The following DNAH9 variants were observed in gnomAD, a reference collection of about 807,000 sequenced individuals.
DNAH9 encodes the protein DNAH9 variant protein.
DNAH9 carries 345 observed loss-of-function variants against 471.6 expected under a neutral mutation model. That is an observed-to-expected ratio of 0.73 (90% CI 0.67 to 0.80). The LOEUF is 0.80. Ranked by LOEUF, DNAH9 falls within the 30% of genes least tolerant of loss-of-function variation. DNAH9 has a pLI of 0.00. For synonymous variants in DNAH9, 2,093 were observed against 2,123.6 expected, an observed-to-expected ratio of 0.99 and a Z score of 0.40; for missense variants, 5,407 against 5,609.2, an observed-to-expected ratio of 0.96 and a Z score of 1.15.
intron 27 of DNAH9, chr17:11,723,517 C>T (rs903635489): frequency 6.6e-6 from 1 of 151,994 alleles, no homozygotes; most frequent in African/African-American, 2.4e-5. Context: ...GGGGTTCAGC[C>T]ACAGGCCCTG....
intron 52 of DNAH9, among the ~76,000 whole-genome samples, chr17:11,872,412 C>G (rs1567865014): frequency 7.1e-6 from 1 of 141,100 alleles, no homozygotes; most frequent in Non-Finnish European, 1.5e-5. Flanking sequence ...ATACTGGTTT[C>G]CCATTAAAGG....
intron 32 of DNAH9, among the ~76,000 whole-genome samples, chr17:11,751,221 A>G (rs1332306533): frequency 6.6e-6 from 1 of 151,958 alleles, no homozygotes; most frequent in East Asian, 1.9e-4. Context: ...AGAGTAGAGC[A>G]AAAAACAGAT....
intron 22 of DNAH9, 36 bp downstream of exon 22, chr17:11,694,483 G>A: frequency 6.2e-7 from 1 of 1,611,846 alleles, no homozygotes; most frequent in Non-Finnish European, 8.5e-7. Context: ...AGGTCTAGGA[G>A]GGCTGAGGGG....
At chr17:11,726,060 C>G (rs1567752064) in intron 27 of DNAH9, among the ~76,000 whole-genome samples, 1 of 152,084 alleles carries the variant, frequency 6.6e-6, no homozygotes, top group Non-Finnish European at 1.5e-5. Flanking sequence ...CAAAATGGCT[C>G]TGTCATTTTT....
Position 11,822,015 on chromosome 17 carries a change from G to C in DNAH9, c.8803G>C (p.Glu2935Gln), listed in dbSNP as rs1970325217. 1 of 1,613,992 alleles carries C rather than the reference G, an allele frequency of 6.2e-7. No homozygotes were observed. Among genetic ancestry groups the C allele is most frequent in the Admixed American group, 1.7e-5 (1 of 60,000 alleles). ...VKSQGLVDNR[E>Q]NCWKFFIDRI... ...GAGCCAGGGTCTGGTTGACAACAGA[G>C]AGAACTGTTGGAAGTTCTTTATAGA... The change falls in exon 46 of 69, where the codon GAG (glutamate) becomes CAG (glutamine). Residue 2935 changes from glutamate (E) to glutamine (Q), a missense_variant. This residue lies in a region of DNAH9 where 4,636 missense variants were observed against 4,900.3 expected (regional missense o/e 0.95). Transcript: ENST00000262442.
intron 19 of DNAH9, 74 bp from the exon 20 acceptor site, chr17:11,689,492 G>C: frequency 7.9e-7 from 1 of 1,273,224 alleles, no homozygotes; most frequent in Non-Finnish European, 1.1e-6. Context: ...ATTTCAGCTG[G>C]TTGCTACCTT....
intron 50 of DNAH9, among the ~76,000 whole-genome samples, chr17:11,864,866 A>G (rs1366033074): frequency 5.3e-5 from 8 of 151,106 alleles, no homozygotes; most frequent in Admixed American, 5.3e-4. Flanking sequence ...TTTGTTTTCC[A>G]TTTGCTTGGT....
At chr17:11,797,816 T>C in intron 43 of DNAH9, 23 bp downstream of exon 43, 2 of 1,595,252 alleles carry the variant, frequency 1.3e-6, no homozygotes, top group Non-Finnish European at 1.7e-6. Context: ...CTCCTCTTCC[T>C]TTTCCTCAGT....
chr17:11,818,988 G>A lies in DNAH9; in HGVS notation c.8708-2932G>A, dbSNP rs991690292. On this transcript the variant is annotated intron_variant, in intron 45 of 68. Coordinates refer to ENST00000262442, the MANE Select transcript of DNAH9 (RefSeq NM_001372.4). ...AACTTTTCGTCTGAGCTAGGAGCCC[G>A]CCCCTACTTCCTAATTCAGAATTTT... Among the ~76,000 whole-genome samples the A allele has an allele frequency of 9.9e-5, 15 of 151,462 alleles. No homozygotes were observed. The East Asian group carries it at 1.7e-3, about 18-fold the overall frequency.
chr17:11,667,780 C>T (rs2073898159), intron 15 of DNAH9, among the ~76,000 whole-genome samples: 1 of 152,176 alleles, frequency 6.6e-6, no homozygotes, highest in Non-Finnish European at 1.5e-5. Flanking sequence ...GAAGGATCAC[C>T]TGCAGTCTCA....
chr17:11,874,979 C>T lies in DNAH9; in HGVS notation c.10273C>T (p.Pro3425Ser), dbSNP rs117014280. Residue 3425 changes from proline (P) to serine (S), a missense_variant, in exon 53 of 69, where the codon CCC becomes TCC. Physicochemically the swap from Pro to Ser is moderately conservative, Grantham distance 74 (BLOSUM62 -1). This residue lies in a region of DNAH9 where 4,636 missense variants were observed against 4,900.3 expected (regional missense o/e 0.95). Coordinates refer to ENST00000262442, the MANE Select transcript of DNAH9 (RefSeq NM_001372.4). ...TPIPVTPALD[P>S]LRMLMDDADV... ...CATTCCAGTCACCCCAGCCCTGGAT[C>T]CCCTGAGGATGCTGATGGATGATGC... is the stretch of plus-strand genomic sequence containing the variant. The T allele has an allele frequency of 3.7e-6, 6 of 1,614,102 alleles. No homozygotes were observed. Among genetic ancestry groups the T allele is most frequent in the Admixed American group, 1.7e-5 (1 of 59,996 alleles).
intron 67 of DNAH9, among the ~76,000 whole-genome samples, chr17:11,943,929 A>AG (rs11444320): frequency 0.48 from 72,555 of 151,940 alleles, 17,557 homozygotes; most frequent in Middle Eastern, 0.56. Context: ...TCCATTACTG[A>AG]GTACGCAGGT....
intron 4 of DNAH9, chr17:11,612,059 A>G: frequency 1.7e-6 from 1 of 591,500 alleles, no homozygotes; most frequent in Non-Finnish European, 3.0e-6. Context: ...ACTTCTGCCT[A>G]CTTTTCTAGG....
At chr17:11,954,939 C>CTGTT (rs1487502240) in intron 67 of DNAH9, among the ~76,000 whole-genome samples, 2 of 152,014 alleles carry the variant, frequency 1.3e-5, no homozygotes, top group Non-Finnish European at 2.9e-5. Flanking sequence ...AAATAATAGA[C>CTGTT]TGTTTAAAAC....
chr17:11,942,333 C>T lies in DNAH9; in HGVS notation c.12691C>T (p.Arg4231Trp), dbSNP rs373580958. ...VKALLEEILE[R>W]VTDEFNIPEL... ...GGCACTTCTGGAAGAAATATTGGAG[C>T]GGGTGACAGACGAGTTTAACATCCC... Residue 4231 changes from arginine (R) to tryptophan (W), a missense_variant, in exon 67 of 69, where the codon CGG (arginine) becomes TGG (tryptophan). Arg to Trp is a moderately radical substitution (Grantham distance 101). This residue lies in a region of DNAH9 where 4,636 missense variants were observed against 4,900.3 expected (regional missense o/e 0.95). Transcript: ENST00000262442. 48 of 1,613,868 alleles carry T rather than the reference C, an allele frequency of 3.0e-5. No homozygotes were observed. The Middle Eastern group carries it at 8.2e-4, about 28-fold the overall frequency.
chr17:11,799,083 A>C (rs906083359), intron 43 of DNAH9, among the ~76,000 whole-genome samples: 1 of 152,074 alleles, frequency 6.6e-6, no homozygotes, highest in African/African-American at 2.4e-5. Context: ...CATCTAGCTA[A>C]TAATCCTTTC....
intron 17 of DNAH9, among the ~76,000 whole-genome samples, chr17:11,676,421 T>C (rs1301799228): frequency 6.6e-6 from 1 of 151,938 alleles, no homozygotes; most frequent in Non-Finnish European, 1.5e-5. Context: ...TAGCTGGGAT[T>C]ACAGGCATGC....
chr17:11,909,983 G>T (rs377436804), intron 61 of DNAH9, among the ~76,000 whole-genome samples: 1 of 152,084 alleles, frequency 6.6e-6, no homozygotes, highest in African/African-American at 2.4e-5. Context: ...TCGGCTGGGC[G>T]TGGTGGCTCA....
chr17:11,714,705 C>G (rs1000940920), intron 26 of DNAH9, among the ~76,000 whole-genome samples: 2 of 152,154 alleles, frequency 1.3e-5, no homozygotes, highest in African/African-American at 4.8e-5. Flanking sequence ...TTTCTCCTGG[C>G]TCCCCAGCCA....
Sources: allele counts gnomAD v4.1 joint callset (sites outside exome capture counted in the v4.1 genomes callset), GRCh38; gene constraint gnomAD v4.1.1; regional missense constraint gnomAD v4.1.1; transcripts MANE v1.5; gene names NCBI Gene and HGNC (gene_info 2026-07-23, HGNC 2026-07-21).